The following MYO9A variants were observed in gnomAD, a reference collection of about 807,000 sequenced individuals.
MYO9A encodes unconventional myosin-IXa.
In MYO9A, 103 loss-of-function variants were observed where a neutral mutation model predicts 293.3. That is an observed-to-expected ratio of 0.35 (90% CI 0.30 to 0.41). The LOEUF is 0.41. Among genes scored for constraint, MYO9A ranks in the 10% least tolerant of loss-of-function variants. The pLI is 1.00. For missense variants in MYO9A, 2,685 were observed against 3,033.0 expected, an observed-to-expected ratio of 0.89 and a Z score of 2.69; for synonymous variants, 1,001 against 1,035.7, an observed-to-expected ratio of 0.97 and a Z score of 0.64.
intron 8 of MYO9A, among the ~76,000 whole-genome samples, chr15:72,007,461 C>T (rs2077049112): frequency 6.6e-6 from 1 of 150,842 alleles, no homozygotes; most frequent in South Asian, 2.1e-4. Flanking sequence ...ACAAAATAAT[C>T]TAACCAAAAT....
At chr15:71,889,807 G>A (rs947155884) in intron 26 of MYO9A, 1 of 152,126 alleles carries the variant, frequency 6.6e-6, no homozygotes, top group Non-Finnish European at 1.5e-5. Context: ...ATCCCAGGTG[G>A]TTTCATAGAA....
At chr15:71,877,999 A>G (rs2056745419) in intron 31 of MYO9A, 41 bp downstream of exon 31, 1 of 1,489,268 alleles carries the variant, frequency 6.7e-7, no homozygotes, top group East Asian at 2.4e-5. Flanking sequence ...AAAAGAATTC[A>G]TAATTAAATC....
At position 72,075,237 on chromosome 15, in the gene MYO9A, ATTAC is replaced by A. The variant is rs545382920; in HGVS notation, c.-71-28607_-71-28604del. On this transcript the variant is annotated intron_variant, in intron 1 of 41. Transcript: ENST00000356056. Reference sequence around the variant, plus strand: ...CGCCTCGGCTTCCCAAAGTGCTGGGATTACAGGCATGAGCTACCACGCTCAGCCT... The same window carrying A: ...CGCCTCGGCTTCCCAAAGTGCTGGGAAGGCATGAGCTACCACGCTCAGCCT... Among the ~76,000 whole-genome samples the A allele has an allele frequency of 4.8e-3, 736 of 152,122 alleles. 6 individuals carry two copies. The highest frequency in any genetic ancestry group is 0.017 in the African/African-American group (709 of 41,508).
At chr15:71,968,849 A>T (rs765472559) in intron 12 of MYO9A, among the ~76,000 whole-genome samples, 8 of 152,334 alleles carry the variant, frequency 5.3e-5, no homozygotes, top group Middle Eastern at 3.4e-3. Flanking sequence ...AAGGAGAAAG[A>T]AAGTTTCAGA....
chr15:72,065,143 A>G (rs2078981749), intron 1 of MYO9A, among the ~76,000 whole-genome samples: 2 of 152,216 alleles, frequency 1.3e-5, no homozygotes, highest in Admixed American at 1.3e-4. Flanking sequence ...AAATTAATTC[A>G]TGGACAAAAA....
chr15:72,099,909 C>CA (rs34892673), intron 1 of MYO9A, among the ~76,000 whole-genome samples: 30,341 of 39,816 alleles, frequency 0.76, 11,986 homozygotes, highest in Non-Finnish European at 0.82. Context: ...GACTTGGTCT[C>CA]AAAAAAAAAA....
chr15:71,995,026 C>G (rs1332687528), intron 9 of MYO9A, among the ~76,000 whole-genome samples: 1 of 152,224 alleles, frequency 6.6e-6, no homozygotes, highest in East Asian at 1.9e-4. Context: ...GCCACCGCAC[C>G]CAGCCAATTG....
intron 38 of MYO9A, among the ~76,000 whole-genome samples, chr15:71,849,825 A>G (rs1301705547): frequency 6.6e-6 from 1 of 152,254 alleles, no homozygotes; most frequent in African/African-American, 2.4e-5. Context: ...AAGAAAAGCC[A>G]GATTTTAAAA....
chr15:71,855,102 C>T (rs16956338), intron 34 of MYO9A, among the ~76,000 whole-genome samples: 2,101 of 152,236 alleles, frequency 0.014, 59 homozygotes, highest in Admixed American at 0.059. Flanking sequence ...ACTTGAATAG[C>T]GTATCTGATA....
intron 1 of MYO9A, among the ~76,000 whole-genome samples, chr15:72,072,066 C>T (rs1327659320): frequency 7.2e-6 from 1 of 139,284 alleles, no homozygotes; most frequent in Non-Finnish European, 1.5e-5. Context: ...GAGTGAGAGC[C>T]CATGTCAAAA....
chr15:71,991,087 A>G lies in MYO9A; in HGVS notation c.1722+16T>C, dbSNP rs762323345. The stretch of plus-strand genomic sequence containing the variant: ...GTGTGATGGGGGGACAAGTGTATAC[A>G]TATTTAGGTACTCACTTGTTCCAAT... On this transcript the variant is annotated intron_variant, in intron 11 of 41. Transcript: ENST00000356056. 6.4e-7 allele frequency: 1 copy of G among 1,573,384 alleles called. No homozygotes were observed. Among genetic ancestry groups the G allele is most frequent in the East Asian group, 2.3e-5 (1 of 43,736 alleles).
At position 71,994,727 on chromosome 15, in the gene MYO9A, A is replaced by G. The variant is rs1190270154; in HGVS notation, c.1471-142T>C. 3 of 554,292 alleles carry G rather than the reference A, an allele frequency of 5.4e-6. No individual in the cohort carries two copies. In the African/African-American group the frequency reaches 5.8e-5, roughly 11 times the overall value. 34.3% of individuals were successfully genotyped at this position (554,292 alleles called of 1,614,324 possible). A position where few individuals can be genotyped will look rare whatever the true frequency, so the allele number is the denominator to read the frequency against. ...TTTCTCTCAAAATAAAAAATCTATA[A>G]CTAAAGTTTTTTGTTTGTTTGTTTT... is the stretch of plus-strand genomic sequence containing the variant. On this transcript the variant is annotated intron_variant, in intron 9 of 41. Transcript: ENST00000356056.
Position 71,826,348 on chromosome 15 carries a change from A to AAAAATCTCAATTC in MYO9A, c.*219_*231dup. Reference sequence around the variant, plus strand: ...CAGGCCCTAGGTGGCTTTGTATAGTAAAAATCTCAATTCAAATACAACAGC... The same window carrying AAAAATCTCAATTC: ...CAGGCCCTAGGTGGCTTTGTATAGTAAAAATCTCAATTCAAAATCTCAATTCAAATACAACAGC... On this transcript the variant is annotated 3_prime_UTR_variant, in exon 42 of 42. Coordinates refer to ENST00000356056, the MANE Select transcript of MYO9A (RefSeq NM_006901.4). The AAAAATCTCAATTC allele has an allele frequency of 2.0e-6, 1 of 502,602 alleles. No individual in the cohort carries two copies. The highest frequency in any genetic ancestry group is 3.4e-6 in the Non-Finnish European group (1 of 290,950). 31.1% of individuals were successfully genotyped at this position (502,602 alleles called of 1,614,324 possible). A position where few individuals can be genotyped will look rare whatever the true frequency, so the allele number is the denominator to read the frequency against.
At chr15:72,070,472 T>G (rs975608284) in intron 1 of MYO9A, among the ~76,000 whole-genome samples, 3 of 148,230 alleles carry the variant, frequency 2.0e-5, no homozygotes, top group Admixed American at 6.7e-5. Context: ...AAAAAAAGAA[T>G]GAGGGGCAGG....
At chr15:72,044,194 G>T (rs1483732033) in intron 2 of MYO9A, among the ~76,000 whole-genome samples, 4 of 151,980 alleles carry the variant, frequency 2.6e-5, no homozygotes, top group Non-Finnish European at 4.4e-5. Flanking sequence ...ATCACCTGAG[G>T]TTGGGAGTTC....
intron 28 of MYO9A, among the ~76,000 whole-genome samples, chr15:71,881,131 T>G (rs2056860767): frequency 6.6e-6 from 1 of 151,974 alleles, no homozygotes; most frequent in African/African-American, 2.4e-5. Flanking sequence ...TGCTTGGGTC[T>G]CTTCAGCATT....
intron 18 of MYO9A, among the ~76,000 whole-genome samples, chr15:71,929,944 C>A (rs1266520330): frequency 2.0e-5 from 3 of 152,062 alleles, no homozygotes; most frequent in Admixed American, 2.0e-4. Flanking sequence ...GTAATGCTGG[C>A]CTTATAAAAT....
intron 1 of MYO9A, among the ~76,000 whole-genome samples, chr15:72,081,788 TGAG>T (rs1567020197): frequency 6.6e-6 from 1 of 152,230 alleles, no homozygotes; most frequent in African/African-American, 2.4e-5. Context: ...CACCATTTAT[TGAG>T]GAGGGAGTCC....
At chr15:71,892,670 G>C (rs919165468) in intron 26 of MYO9A, 1 of 187,488 alleles carries the variant, frequency 5.3e-6, no homozygotes, top group Admixed American at 5.4e-5. Flanking sequence ...TTGTTATCTG[G>C]CCGTTTACAG....
Sources: allele counts gnomAD v4.1 joint callset (sites outside exome capture counted in the v4.1 genomes callset), GRCh38; gene constraint gnomAD v4.1.1; transcripts MANE v1.5; gene names NCBI Gene and HGNC (gene_info 2026-07-23, HGNC 2026-07-21).